ARHGEF11: variants seen among roughly 807,000 people sequenced by gnomAD.
The protein encoded by ARHGEF11 is Rho guanine nucleotide exchange factor 11.
Under a neutral mutation model 193.7 loss-of-function variants are expected in ARHGEF11, and 55 were observed. The observed-to-expected ratio is 0.28, with a 90% CI of 0.23 to 0.36. The LOEUF (loss-of-function observed/expected upper bound fraction) is 0.36, where lower values mean the gene tolerates loss of function less well. ARHGEF11 is among the 10% of genes least tolerant of loss of function. The pLI is 1.00. For missense variants in ARHGEF11, 1,723 were observed against 2,005.6 expected (o/e 0.86, Z 2.69); for synonymous variants, 693 against 768.0 (o/e 0.90, Z 1.62).
intron 11 of ARHGEF11, 66 bp from the exon 12 acceptor site, chr1:156,963,660 T>C (rs1287371584): frequency 1.3e-6 from 2 of 1,584,010 alleles, no homozygotes; most frequent in African/African-American, 1.4e-5. Flanking sequence ...ACCACCTCAG[T>C]GAAGTTTGTT....
chr1:157,018,177 C>T (rs1669509828), intron 1 of ARHGEF11, among the ~76,000 whole-genome samples: 2 of 152,056 alleles, frequency 1.3e-5, no homozygotes, highest in Non-Finnish European at 2.9e-5. Flanking sequence ...GCTGAGAGAA[C>T]TTAATGACCT....
At chr1:156,971,848 G>C in intron 7 of ARHGEF11, 32 bp from the exon 8 acceptor site, 8 of 1,599,222 alleles carry the variant, frequency 5.0e-6, no homozygotes, top group Non-Finnish European at 6.0e-6. Flanking sequence ...AAGGGGGAGG[G>C]GAAAAGGCAG....
chr1:156,980,592 CTG>C lies in ARHGEF11; in HGVS notation c.224-108_224-107del, dbSNP rs370733556. On this transcript the variant is annotated intron_variant, in intron 3 of 40. Transcript: ENST00000368194. ...TCCTCTGAAATTTCCTCTTATTTCT[CTG>C]TGTTAAGTATCTCAAATTCTGGGTG... 1.2e-4 allele frequency: 148 copies of C among 1,282,428 alleles called. 1 individual carries two copies. In the African/African-American group the frequency reaches 2.0e-3, roughly 18 times the overall value. The allele number at this position is 1,282,428 out of a possible 1,614,324, so 79.4% of individuals were successfully genotyped here.
chr1:156,990,624 T>C (rs1665566892), intron 1 of ARHGEF11, among the ~76,000 whole-genome samples: 1 of 152,228 alleles, frequency 6.6e-6, no homozygotes, highest in Non-Finnish European at 1.5e-5. Flanking sequence ...CTCATCCCTT[T>C]TCTGGAGTAG....
intron 9 of ARHGEF11, among the ~76,000 whole-genome samples, chr1:156,969,618 A>G (rs1050835874): frequency 6.6e-6 from 1 of 152,184 alleles, no homozygotes; most frequent in Non-Finnish European, 1.5e-5. Context: ...ATAAGACTCC[A>G]TAACTCTCTC....
At chr1:157,010,726 T>C (rs565963611) in intron 1 of ARHGEF11, among the ~76,000 whole-genome samples, 1 of 152,234 alleles carries the variant, frequency 6.6e-6, no homozygotes, top group South Asian at 2.1e-4. Flanking sequence ...TGTATTTCTA[T>C]ACACTAGCAG....
intron 1 of ARHGEF11, among the ~76,000 whole-genome samples, chr1:157,025,406 G>A (rs1670525153): frequency 6.6e-6 from 1 of 150,958 alleles, no homozygotes; most frequent in Admixed American, 6.6e-5. Context: ...AATGGTAGCT[G>A]AAATGAGACA....
In ARHGEF11 at chr1:156,939,612, G is replaced by A. The variant is rs1656349640; in HGVS notation, c.4032C>T (p.Asp1344=). 1 of 1,613,364 alleles carries A rather than the reference G, an allele frequency of 6.2e-7. No homozygotes were observed. Among genetic ancestry groups the A allele is most frequent in the South Asian group, 1.1e-5 (1 of 91,088 alleles). Residue 1344 remains aspartate (D), a synonymous_variant, in exon 37 of 41, where the codon GAC becomes GAT. Coordinates refer to ENST00000368194, the MANE Select transcript of ARHGEF11 (RefSeq NM_198236.3). ...TTGAAGCATCTTCAGCCAGATTCCT[G>A]TCCAGTTCTGGAGACTCCCATATCC... The part of the protein sequence containing the change: ...NSGIWESPEL[D]RNLAEDASST...
chr1:156,954,483 A>G (rs929476925), intron 21 of ARHGEF11, among the ~76,000 whole-genome samples: 29 of 151,544 alleles, frequency 1.9e-4, no homozygotes, highest in African/African-American at 6.8e-4. Flanking sequence ...ACTTATACAG[A>G]ACTCTGGATT....
rs373157943 is a variant in ARHGEF11, at chr1:156,948,144, G to C, written c.2153+37C>G. 77 of 1,544,462 alleles carry C rather than the reference G, an allele frequency of 5.0e-5. No homozygotes were observed. The highest frequency in any genetic ancestry group is 6.4e-5 in the Non-Finnish European group (73 of 1,143,880). ...CAGCTGGGTGTGGATGGGACACAGA[G>C]ACACCAAACAGAGGCACCACCGTGC... On this transcript the variant is annotated intron_variant, in intron 24 of 40. Coordinates refer to ENST00000368194, the MANE Select transcript of ARHGEF11 (RefSeq NM_198236.3). This position sits in a 1 kb window ranked among gnomAD's most constrained non-coding sequence, Gnocchi z 4.2.
At chr1:156,993,878 G>A (rs767938863) in intron 1 of ARHGEF11, among the ~76,000 whole-genome samples, 1 of 152,100 alleles carries the variant, frequency 6.6e-6, no homozygotes, top group Non-Finnish European at 1.5e-5. Context: ...TAGACAAATG[G>A]TCTCTGGCAG....
rs144803270 is a variant in ARHGEF11, at chr1:156,940,228, C to A, written c.3712G>T (p.Ala1238Ser). The change falls in exon 36 of 41, where the codon GCT (alanine) becomes TCT (serine). Residue 1238 changes from alanine to serine, a missense_variant. Around this residue, in one of 5 missense-constraint regions of ARHGEF11, gnomAD observed 203 missense variants for 237.3 expected, o/e 0.86. Transcript: ENST00000368194. ...FPGPLFMEGL[A>S]DSALEDVENL... ...TCACCATCTTCCAGAGCGGAGTCAG[C>A]GAGCCCTTCCATGAACAGAGGGCCT... 1 of 1,592,706 alleles carries A rather than the reference C, an allele frequency of 6.3e-7. No homozygotes were observed. Among genetic ancestry groups the A allele is most frequent in the Non-Finnish European group, 8.6e-7 (1 of 1,166,540 alleles).
At chr1:156,951,288 G>T (rs1406462048) in intron 22 of ARHGEF11, among the ~76,000 whole-genome samples, 1 of 152,120 alleles carries the variant, frequency 6.6e-6, no homozygotes, top group Non-Finnish European at 1.5e-5. Flanking sequence ...CACCTAGCTC[G>T]ATCTTGGATG....
chr1:157,011,847 G>A (rs766992079), intron 1 of ARHGEF11, among the ~76,000 whole-genome samples: 5 of 152,228 alleles, frequency 3.3e-5, no homozygotes, highest in African/African-American at 4.8e-5. Flanking sequence ...TGGTGAGGAT[G>A]TGGAGAAATG....
intron 8 of ARHGEF11, among the ~76,000 whole-genome samples, chr1:156,970,354 A>G (rs1361057923): frequency 6.6e-6 from 1 of 152,154 alleles, no homozygotes; most frequent in Non-Finnish European, 1.5e-5. Flanking sequence ...CAAGAAGTAT[A>G]AAAAAAGACT....
chr1:156,948,424 G>A lies in ARHGEF11; in HGVS notation c.2000C>T (p.Ala667Val), dbSNP rs1658546223. ...GREEMKRSRK[A>V]ENVPRSRSDV... is the part of the protein sequence containing the mutation. The stretch of plus-strand genomic sequence containing the variant: ...ACTGCGAGAGCGGGGCACGTTCTCT[G>A]CCTTTCGAGACCGTTTCATCTCTTC... The change falls in exon 23 of 41, where the codon GCA (alanine) becomes GTA (valine). Residue 667 changes from alanine to valine, a missense_variant. Around this residue, in one of 5 missense-constraint regions of ARHGEF11, gnomAD observed 491 missense variants for 654.5 expected, o/e 0.75. Transcript: ENST00000368194. This position sits in a 1 kb window ranked among gnomAD's most constrained non-coding sequence, Gnocchi z 4.2. 6.2e-7 allele frequency: 1 copy of A among 1,614,104 alleles called. No homozygotes were observed. Among genetic ancestry groups the A allele is most frequent in the Admixed American group, 1.7e-5 (1 of 60,000 alleles).
In ARHGEF11 at chr1:156,940,358, G is replaced by A. The variant is rs773306732; in HGVS notation, c.3582C>T (p.Gly1194=). The change falls in exon 36 of 41, where the codon GGC becomes GGT. Residue 1194 remains glycine (G), a synonymous_variant. Coordinates refer to ENST00000368194, the MANE Select transcript of ARHGEF11 (RefSeq NM_198236.3). ...QVLLEDPEQE[G]SAEEEELGVL... ...CACCCAGTTCCTCTTCCTCTGCACT[G>A]CCCTCCTGCTCAGGGTCCTCTAGCA... 1.2e-6 allele frequency: 2 copies of A among 1,613,674 alleles called. No individual in the cohort carries two copies. The highest frequency in any genetic ancestry group is 1.7e-6 in the Non-Finnish European group (2 of 1,179,750).
chr1:157,024,439 T>A (rs549786877), intron 1 of ARHGEF11, among the ~76,000 whole-genome samples: 5 of 152,160 alleles, frequency 3.3e-5, no homozygotes, highest in Non-Finnish European at 7.4e-5. Context: ...AGAATATACA[T>A]GAAAATTCTC....
chr1:156,955,163 G>A (rs1659762638), intron 20 of ARHGEF11, among the ~76,000 whole-genome samples: 1 of 152,096 alleles, frequency 6.6e-6, no homozygotes, highest in South Asian at 2.1e-4. Context: ...TGACTGGGAG[G>A]GGCCAGCAAC....
Sources: gnomAD v4.1 joint callset for allele counts (sites outside exome capture counted in the v4.1 genomes callset) on GRCh38, gnomAD v4.1.1 for gene constraint, gnomAD v4.1.1 regional missense constraint, Gnocchi (gnomAD v3.1) non-coding constraint, MANE v1.5 for transcripts, NCBI Gene and HGNC (gene_info 2026-07-23, HGNC 2026-07-21) for gene names.